FRMD4B: variants seen among roughly 807,000 people sequenced by gnomAD.
The protein encoded by FRMD4B is FERM domain containing 4B, also known as FERM domain-containing protein 4B.
FRMD4B carries 74 observed loss-of-function variants against 141.5 expected under a neutral mutation model. The observed-to-expected ratio is 0.52, with a 90% CI of 0.43 to 0.63. The LOEUF (loss-of-function observed/expected upper bound fraction) is 0.63, where lower values mean the gene tolerates loss of function less well. Ranked by LOEUF, FRMD4B falls within the 30% of genes least tolerant of loss-of-function variation. FRMD4B has a pLI of 0.00. For missense variants in FRMD4B, 1,366 were observed against 1,253.4 expected (o/e 1.09, Z -1.36); for synonymous variants, 506 against 467.9 (o/e 1.08, Z -1.05).
chr3:69,217,969 C>T (rs2093157645), intron 10 of FRMD4B, among the ~76,000 whole-genome samples: 2 of 152,044 alleles, frequency 1.3e-5, no homozygotes, highest in Non-Finnish European at 1.5e-5. Flanking sequence ...TATTGCAAAT[C>T]CTGTAAAAAT....
At chr3:69,373,187 T>C (rs1001388151) in intron 1 of FRMD4B, among the ~76,000 whole-genome samples, 4 of 152,240 alleles carry the variant, frequency 2.6e-5, no homozygotes, top group African/African-American at 9.6e-5. Context: ...ACTTAAAGAA[T>C]AGATGTGGCA....
At chr3:69,182,541 C>G (rs1469564615) in intron 20 of FRMD4B, 57 bp downstream of exon 20, 2 of 1,525,866 alleles carry the variant, frequency 1.3e-6, no homozygotes, top group African/African-American at 1.4e-5. Context: ...TAAAGCAAGA[C>G]AGAACCTCAA....
chr3:69,214,809 C>A (rs990585450), intron 11 of FRMD4B, among the ~76,000 whole-genome samples: 3 of 152,128 alleles, frequency 2.0e-5, no homozygotes, highest in African/African-American at 7.2e-5. Context: ...CTGCAGTGAC[C>A]TGTGATCAGG....
intron 1 of FRMD4B, among the ~76,000 whole-genome samples, chr3:69,453,174 G>A (rs970531354): frequency 6.6e-6 from 1 of 152,148 alleles, no homozygotes; most frequent in Non-Finnish European, 1.5e-5. Context: ...TGAAGAGATG[G>A]GCTTGAGTAG....
intron 1 of FRMD4B, among the ~76,000 whole-genome samples, chr3:69,341,302 G>T (rs1378589388): frequency 6.6e-6 from 1 of 152,190 alleles, no homozygotes; most frequent in East Asian, 1.9e-4. Context: ...CAGATTTACA[G>T]ATGAATCCCC....
At chr3:69,194,867 C>T (rs1231185675) in intron 16 of FRMD4B, among the ~76,000 whole-genome samples, 155 bp downstream of exon 16, 2 of 152,060 alleles carry the variant, frequency 1.3e-5, no homozygotes, top group Non-Finnish European at 2.9e-5. Flanking sequence ...CTGGAGTGGG[C>T]ATGAAAGAAA....
At chr3:69,389,062 C>CTCCCTCTG (rs1704328222), upstream of FRMD4B, among the ~76,000 whole-genome samples, 1 of 126,892 alleles carries the variant, frequency 7.9e-6, no homozygotes, top group African/African-American at 2.9e-5. Context: ...GAAACGTAGT[C>CTCCCTCTG]TCCCTCTGTC....
chr3:69,177,694 T>C (rs931913127), intron 21 of FRMD4B, among the ~76,000 whole-genome samples: 1 of 152,078 alleles, frequency 6.6e-6, no homozygotes, highest in Non-Finnish European at 1.5e-5. Flanking sequence ...TTAAAATAAC[T>C]GAAAAGACAA....
intron 7 of FRMD4B, among the ~76,000 whole-genome samples, chr3:69,248,324 G>A (rs1435197782): frequency 6.6e-6 from 1 of 152,142 alleles, no homozygotes; most frequent in African/African-American, 2.4e-5. Context: ...AGGAATCATG[G>A]TGTTTTAAGT....
intron 2 of FRMD4B, among the ~76,000 whole-genome samples, chr3:69,420,010 CCA>C (rs757282379): frequency 4.2e-4 from 64 of 152,294 alleles, no homozygotes; most frequent in Middle Eastern, 6.8e-3. Context: ...GCACCCACCA[CCA>C]CGCCCAGCTA....
At chr3:69,373,133 A>C (rs1703874269) in intron 1 of FRMD4B, among the ~76,000 whole-genome samples, 1 of 152,254 alleles carries the variant, frequency 6.6e-6, no homozygotes, top group Non-Finnish European at 1.5e-5. Context: ...TTAGAAATTA[A>C]CAACTTCACC....
intron 5 of FRMD4B, among the ~76,000 whole-genome samples, chr3:69,282,548 T>C (rs2093649177): frequency 6.6e-6 from 1 of 152,232 alleles, no homozygotes; most frequent in African/African-American, 2.4e-5. Context: ...CAAACAATCA[T>C]ACATCTTAAG....
At chr3:69,384,107 T>C (rs1486835224) in intron 1 of FRMD4B, among the ~76,000 whole-genome samples, 1 of 152,170 alleles carries the variant, frequency 6.6e-6, no homozygotes, top group African/African-American at 2.4e-5. Context: ...ACTACCACCA[T>C]TATTTTAGAT....
intron 12 of FRMD4B, among the ~76,000 whole-genome samples, chr3:69,197,295 T>C (rs2092918137): frequency 6.6e-6 from 1 of 152,060 alleles, no homozygotes; most frequent in East Asian, 1.9e-4. Context: ...AAAGAATCAG[T>C]CAAATTAGAG....
chr3:69,212,359 C>CAAAAAAAAAAAAAAAAAAA (rs869309749), intron 11 of FRMD4B, among the ~76,000 whole-genome samples: 9 of 25,334 alleles, frequency 3.6e-4, no homozygotes, highest in African/African-American at 9.8e-4. Context: ...AACCCCGTCT[C>CAAAAAAAAAAAAAAAAAAA]AAAAAAAAAA....
At chr3:69,327,517 C>T (rs1030682409) in intron 1 of FRMD4B, among the ~76,000 whole-genome samples, 1 of 152,196 alleles carries the variant, frequency 6.6e-6, no homozygotes, top group East Asian at 1.9e-4. Flanking sequence ...GGAGTACATG[C>T]TTACTCTCAG....
intron 2 of FRMD4B, among the ~76,000 whole-genome samples, chr3:69,398,268 AT>A: frequency 6.6e-6 from 1 of 151,930 alleles, no homozygotes; most frequent in Non-Finnish European, 1.5e-5. Flanking sequence ...CTTTTGTTTT[AT>A]TTTTTAATTG....
At chr3:69,337,116 A>C (rs551779468) in intron 1 of FRMD4B, among the ~76,000 whole-genome samples, 2,348 of 151,094 alleles carry the variant, frequency 0.016, 76 homozygotes, top group African/African-American at 0.054. Flanking sequence ...AGATATAGAC[A>C]AATGGAACAG....
In FRMD4B at chr3:69,380,676, C is replaced by G. The variant is rs150318540; in HGVS notation, c.162+5152G>C. On this transcript the variant is annotated intron_variant, in intron 1 of 22. Transcript: ENST00000398540. The stretch of plus-strand genomic sequence containing the variant: ...GCCGTGTTCTGTGCTCTATGCTACC[C>G]CCTCAGGGACAGCTACCTGCCTCAG... Among the ~76,000 whole-genome samples the G allele has an allele frequency of 7.9e-5, 12 of 152,284 alleles. No homozygotes were observed. The East Asian group carries it at 2.1e-3, about 27-fold the overall frequency.
Sources: allele counts gnomAD v4.1 joint callset (sites outside exome capture counted in the v4.1 genomes callset), GRCh38; gene constraint gnomAD v4.1.1; transcripts MANE v1.5; gene names NCBI Gene and HGNC (gene_info 2026-07-23, HGNC 2026-07-21).